PRKCH: variants seen among roughly 807,000 people sequenced by gnomAD.
PRKCH encodes the protein protein kinase C eta.
Under a neutral mutation model 82.5 loss-of-function variants are expected in PRKCH, and 28 were observed. The ratio of observed to expected loss-of-function variants is 0.34; its 90% CI spans 0.25 to 0.47. The LOEUF is 0.47. Ranked by LOEUF, PRKCH falls within the 20% of genes least tolerant of loss-of-function variation. PRKCH has a pLI of 1.00. For synonymous variants in PRKCH, 322 were observed against 327.4 expected (o/e 0.98, Z 0.18); for missense variants, 705 against 881.8 (o/e 0.80, Z 2.54).
chr14:61,515,338 A>G (rs2042807503), intron 10 of PRKCH, among the ~76,000 whole-genome samples: 1 of 152,212 alleles, frequency 6.6e-6, no homozygotes, highest in Non-Finnish European at 1.5e-5. Flanking sequence ...GTGGATGGCA[A>G]CAGGGTTCAG....
At chr14:61,497,616 T>G (rs2139943371) in intron 10 of PRKCH, among the ~76,000 whole-genome samples, 2 of 152,310 alleles carry the variant, frequency 1.3e-5, no homozygotes, top group Middle Eastern at 6.8e-3. Context: ...TAGAAAGTTT[T>G]TAGTGCCCCT....
At chr14:61,500,808 C>A (rs910497416) in intron 10 of PRKCH, among the ~76,000 whole-genome samples, 1 of 151,990 alleles carries the variant, frequency 6.6e-6, no homozygotes, top group African/African-American at 2.4e-5. Context: ...ATGGGCTGAG[C>A]ACGGGGGTGG....
chr14:61,472,149 G>A (rs1337098398), intron 9 of PRKCH, among the ~76,000 whole-genome samples: 1 of 152,298 alleles, frequency 6.6e-6, no homozygotes, highest in East Asian at 1.9e-4. Flanking sequence ...GCTGCTGGCA[G>A]CTCTCAACAG....
chr14:61,360,241 A>G (rs1461725815), intron 1 of PRKCH, among the ~76,000 whole-genome samples: 3 of 152,234 alleles, frequency 2.0e-5, no homozygotes, highest in South Asian at 2.1e-4. Context: ...GCAGTGGCTC[A>G]CGCCCATGAT....
At chr14:61,344,244 A>G (rs1424200799) in intron 1 of PRKCH, 1 of 152,200 alleles carries the variant, frequency 6.6e-6, no homozygotes, top group African/African-American at 2.4e-5. Flanking sequence ...AAAGGAAAAT[A>G]AATGTAAAAT....
At chr14:61,386,622 G>C (rs1349797519) in intron 1 of PRKCH, among the ~76,000 whole-genome samples, 2 of 152,182 alleles carry the variant, frequency 1.3e-5, no homozygotes, top group Non-Finnish European at 2.9e-5. Flanking sequence ...TAAGGAATGA[G>C]AGATTCATGA....
At position 61,449,527 on chromosome 14, in the gene PRKCH, G is replaced by A. The variant is rs147031169; in HGVS notation, c.702+275G>A. Among the ~76,000 whole-genome samples the A allele has an allele frequency of 4.6e-5, 7 of 152,192 alleles. No homozygotes were observed. The East Asian group carries it at 1.4e-3, about 29-fold the overall frequency. On this transcript the variant is annotated intron_variant, in intron 5 of 13. Transcript: ENST00000332981. Reference sequence around the variant, plus strand: ...CCTCCTTTGTGAGGACCCCATTAGTGGTTGGCTGGGTATAAGCTATATGGA... The same window carrying A: ...CCTCCTTTGTGAGGACCCCATTAGTAGTTGGCTGGGTATAAGCTATATGGA...
chr14:61,385,364 CA>C (rs1309903265), intron 1 of PRKCH, among the ~76,000 whole-genome samples: 1 of 146,592 alleles, frequency 6.8e-6, no homozygotes, highest in East Asian at 2.0e-4. Context: ...CAAAATATTG[CA>C]GAAAAAAAAA....
At chr14:61,242,429 T>A (rs1248955388) in intron 1 of PRKCH, among the ~76,000 whole-genome samples, 4 of 152,218 alleles carry the variant, frequency 2.6e-5, no homozygotes, top group Non-Finnish European at 4.4e-5. Flanking sequence ...AGACAGAGTC[T>A]CACTGTCGCC....
rs148763598 is a variant in PRKCH at position 61,515,960 on chromosome 14, G to A, written c.1434-13115G>A. Among the ~76,000 whole-genome samples, 1,181 of 152,232 alleles carry A rather than the reference G, an allele frequency of 7.8e-3. 24 individuals are homozygous for A. The highest frequency in any genetic ancestry group is 0.027 in the African/African-American group (1,122 of 41,494). On this transcript the variant is annotated intron_variant, in intron 10 of 13. Coordinates refer to ENST00000332981, the MANE Select transcript of PRKCH (RefSeq NM_006255.5). ...GTAACTCATCATTTCTATGAGGCAG[G>A]AACTGTTGTTATCTACATTTCTTGA...
At chr14:61,253,727 A>G (rs1157507886) in intron 1 of PRKCH, among the ~76,000 whole-genome samples, 1 of 152,174 alleles carries the variant, frequency 6.6e-6, no homozygotes, top group Non-Finnish European at 1.5e-5. Flanking sequence ...CTGCCTAATT[A>G]GGCAACGGTG....
intron 1 of PRKCH, among the ~76,000 whole-genome samples, chr14:61,262,582 T>C (rs148105795): frequency 7.7e-4 from 117 of 152,244 alleles, no homozygotes; most frequent in African/African-American, 2.8e-3. Context: ...TTTGGGATGA[T>C]GGGAATAGTC....
intron 2 of PRKCH, among the ~76,000 whole-genome samples, chr14:61,428,982 T>C (rs924855400): frequency 1.3e-5 from 2 of 152,216 alleles, no homozygotes; most frequent in Non-Finnish European, 2.9e-5. Flanking sequence ...CATGTCATAG[T>C]TGACATTCCA....
At chr14:61,400,984 G>C (rs527673730) in intron 2 of PRKCH, among the ~76,000 whole-genome samples, 11 of 152,230 alleles carry the variant, frequency 7.2e-5, no homozygotes, top group South Asian at 6.2e-4. Context: ...CAGCATTTTA[G>C]TTTTTTTCTT....
chr14:61,473,365 T>C (rs932581212), intron 9 of PRKCH, among the ~76,000 whole-genome samples: 12 of 152,092 alleles, frequency 7.9e-5, no homozygotes, highest in South Asian at 2.1e-4. Context: ...AAGATTTGCA[T>C]GTTAGAAGGC....
chr14:61,357,881 T>G (rs1157293312), intron 1 of PRKCH, among the ~76,000 whole-genome samples: 1 of 152,170 alleles, frequency 6.6e-6, no homozygotes, highest in Non-Finnish European at 1.5e-5. Context: ...GGACTTCATC[T>G]GCTCTCTAGG....
intron 2 of PRKCH, among the ~76,000 whole-genome samples, chr14:61,395,447 C>T (rs541212566): frequency 1.6e-4 from 25 of 152,142 alleles, no homozygotes; most frequent in African/African-American, 4.8e-4. Flanking sequence ...CTCTAGTTCC[C>T]ATCTTGGATA....
chr14:61,322,144 C>G lies in PRKCH; in HGVS notation c.43C>G (p.Arg15Gly). The change falls in exon 1 of 14, where the codon CGC (arginine) becomes GGC (glycine). Residue 15 changes from arginine to glycine, a missense_variant. Transcript: ENST00000332981. ...GAAGTTCAATGGCTATTTGAGGGTC[C>G]GCATCGGTGAGGCAGTGGGGCTGCA... ...TMKFNGYLRV[R>G]IGEAVGLQPT... The G allele has an allele frequency of 1.9e-6, 3 of 1,604,706 alleles. No individual in the cohort carries two copies. The highest frequency in any genetic ancestry group is 2.6e-6 in the Non-Finnish European group (3 of 1,175,698).
intron 2 of PRKCH, among the ~76,000 whole-genome samples, chr14:61,423,238 A>G (rs953380788): frequency 2.0e-5 from 3 of 152,136 alleles, no homozygotes; most frequent in African/African-American, 7.2e-5. Context: ...GCATTTTATA[A>G]TTTTCAGTGG....
Sources: allele counts gnomAD v4.1 joint callset (sites outside exome capture counted in the v4.1 genomes callset), GRCh38; gene constraint gnomAD v4.1.1; transcripts MANE v1.5; gene names NCBI Gene and HGNC (gene_info 2026-07-23, HGNC 2026-07-21).